The following TC2N variants were observed in gnomAD, a reference collection of about 807,000 sequenced individuals.
TC2N encodes the protein tandem C2 domains, nuclear.
A neutral mutation model predicts 61.9 loss-of-function variants in TC2N; 51 were observed. That is an observed-to-expected ratio of 0.82 (90% CI 0.66 to 1.04). TC2N has a LOEUF of 1.04. Among genes scored for constraint, TC2N ranks in the 50% least tolerant of loss-of-function variants. The pLI, the probability that TC2N is intolerant of heterozygous loss-of-function variation, is 0.00. For synonymous variants in TC2N, 204 were observed against 192.6 expected (o/e 1.06, Z -0.49); for missense variants, 556 against 566.7 (o/e 0.98, Z 0.19).
intron 1 of TC2N, among the ~76,000 whole-genome samples, chr14:91,834,504 T>TCGC (rs1887921071): frequency 6.6e-6 from 1 of 152,186 alleles, no homozygotes; most frequent in Non-Finnish European, 1.5e-5. Flanking sequence ...AATCAATGGA[T>TCGC]CGCCTCTCCT....
At chr14:91,840,201 A>G (rs1333746151) in intron 1 of TC2N, among the ~76,000 whole-genome samples, 1 of 152,174 alleles carries the variant, frequency 6.6e-6, no homozygotes, top group African/African-American at 2.4e-5. Context: ...CTTTGATTGG[A>G]TGGTGATGTG....
intron 3 of TC2N, among the ~76,000 whole-genome samples, chr14:91,806,204 T>C (rs778699969): frequency 8.5e-5 from 13 of 152,160 alleles, no homozygotes; most frequent in Non-Finnish European, 1.8e-4. Flanking sequence ...AACCTCTTTT[T>C]CTTTATAAAT....
At chr14:91,863,128 C>G (rs1327641805) in intron 1 of TC2N, among the ~76,000 whole-genome samples, 1 of 152,192 alleles carries the variant, frequency 6.6e-6, no homozygotes, top group East Asian at 1.9e-4. Context: ...GGGCGGAAAC[C>G]TCCATGAGAT....
At position 91,787,632 on chromosome 14, in the gene TC2N, A is replaced by G. The variant is rs759550583; in HGVS notation, c.1048-5T>C. 1.3e-6 allele frequency: 2 copies of G among 1,551,850 alleles called. No homozygotes were observed. Among genetic ancestry groups the G allele is most frequent in the South Asian group, 1.2e-5 (1 of 86,094 alleles). On this transcript the variant is annotated splice_region_variant and splice_polypyrimidine_tract_variant and intron_variant, in intron 9 of 11. Transcript: ENST00000435962. ...TTCAAGTTCTGCATGGCAAACCTGC[A>G]TATCAAAAAAGTGTCATTTGGTAGT...
At chr14:91,806,127 G>A (rs1023201936) in intron 3 of TC2N, among the ~76,000 whole-genome samples, 11 of 152,220 alleles carry the variant, frequency 7.2e-5, no homozygotes, top group African/African-American at 2.4e-4. Flanking sequence ...TACCATGTAA[G>A]ATGTGTCTTT....
At position 91,779,875 on chromosome 14, in the gene TC2N, G is replaced by C. The variant is rs1423546000; in HGVS notation, c.*3225C>G. The C allele has an allele frequency of 1.3e-5, 2 of 151,936 alleles. No individual in the cohort carries two copies. The highest frequency in any genetic ancestry group is 2.4e-5 in the African/African-American group (1 of 41,350). 9.4% of individuals were successfully genotyped at this position (151,936 alleles called of 1,614,324 possible). ...CACTAGGAGATTACTAAAACTGTAG[G>C]CCACATTCATCTTCCTACAATTCTT... On this transcript the variant is annotated 3_prime_UTR_variant, in exon 12 of 12. Coordinates refer to ENST00000435962, the MANE Select transcript of TC2N (RefSeq NM_001128596.3).
chr14:91,787,713 G>A (rs893834255), intron 9 of TC2N, 86 bp from the exon 10 acceptor site: 2 of 722,684 alleles, frequency 2.8e-6, no homozygotes, highest in Admixed American at 2.9e-5. Context: ...GCTAAGGTTA[G>A]AAATTTTGAA....
At chr14:91,864,776 T>A (rs1246759731) in intron 1 of TC2N, among the ~76,000 whole-genome samples, 7 of 116,164 alleles carry the variant, frequency 6.0e-5, no homozygotes, top group Non-Finnish European at 8.4e-5. Flanking sequence ...CCTGCCTTCA[T>A]CTTTTTTTTT....
rs74926142 is a variant in TC2N, at chr14:91,834,080, T to G, written c.-56-20255A>C. On this transcript the variant is annotated intron_variant, in intron 1 of 11. Transcript: ENST00000435962. Reference sequence around the variant, plus strand: ...ATTCTGCTTTAGTCCCAACACCTGATTTCTACATAAGATTTTTAGAAGAAC... The same window carrying G: ...ATTCTGCTTTAGTCCCAACACCTGAGTTCTACATAAGATTTTTAGAAGAAC... 1.7e-4 allele frequency among the ~76,000 whole-genome samples: 26 copies of G among 152,320 alleles called. No individual in the cohort carries two copies. In the East Asian group the frequency reaches 5.0e-3, roughly 29 times the overall value.
At chr14:91,796,160 G>T (rs1321556914) in intron 8 of TC2N, among the ~76,000 whole-genome samples, 1 of 151,924 alleles carries the variant, frequency 6.6e-6, no homozygotes, top group Admixed American at 6.6e-5. Context: ...TCATCTATGA[G>T]TGTCAAGGTT....
chr14:91,837,264 G>A lies in TC2N; in HGVS notation c.-56-23439C>T, dbSNP rs1888060955. On this transcript the variant is annotated intron_variant, in intron 1 of 11. Transcript: ENST00000435962. The surrounding 1 kb of genome is among the most constrained non-coding windows in gnomAD (Gnocchi z 4.2). ...TGACAGAGGTTCTGTCGCCCAGGCT[G>A]GAGTGTAGCGGTGCGCCCGTGGCTC... Among the ~76,000 whole-genome samples, 1 of 152,232 alleles carries A rather than the reference G, an allele frequency of 6.6e-6. No homozygotes were observed. The highest frequency in any genetic ancestry group is 2.1e-4 in the South Asian group (1 of 4,832).
intron 1 of TC2N, among the ~76,000 whole-genome samples, chr14:91,851,018 C>A (rs1021498742): frequency 6.6e-6 from 1 of 152,170 alleles, no homozygotes; most frequent in African/African-American, 2.4e-5. Flanking sequence ...TTCAAGAAAA[C>A]AAGCTCAGGG....
chr14:91,843,334 ACC>A (rs1888200810), intron 1 of TC2N, among the ~76,000 whole-genome samples: 1 of 152,012 alleles, frequency 6.6e-6, no homozygotes, highest in Non-Finnish European at 1.5e-5. Context: ...CCCCATCATG[ACC>A]CCAGAGTTCC....
chr14:91,812,362 T>G lies in TC2N; in HGVS notation c.251A>C (p.Tyr84Ser). 6.2e-7 allele frequency: 1 copy of G among 1,612,672 alleles called. No homozygotes were observed. The highest frequency in any genetic ancestry group is 8.5e-7 in the Non-Finnish European group (1 of 1,179,078). The part of the protein sequence containing the change: ...PFVVPKFKLS[Y>S]IQPRTQETPS... ...AGTTTCTTGTGTCCTGGGTTGAATG[T>G]AAGATAACTTAAACTTGGGCACCAC... The change falls in exon 3 of 12, where the codon TAC (tyrosine) becomes TCC (serine). Residue 84 changes from tyrosine (Y) to serine (S), a missense_variant. Physicochemically the swap from Tyr to Ser is moderately radical, Grantham distance 144. Coordinates refer to ENST00000435962, the MANE Select transcript of TC2N (RefSeq NM_001128596.3).
At chr14:91,835,981 G>GC (rs1015864648) in intron 1 of TC2N, among the ~76,000 whole-genome samples, 20 of 152,140 alleles carry the variant, frequency 1.3e-4, no homozygotes, top group African/African-American at 4.8e-4. Flanking sequence ...CGCCCACCTG[G>GC]CCAGCGGGGA....
Position 91,797,839 on chromosome 14 carries a change from T to C in TC2N, c.801A>G (p.Ile267Met). ...GDTPTVSIKG[I>M]LTLPKPVHFK... ...AATGCACTGGTTTGGGCAATGTAAG[T>C]ATTCCTTTTATAGAAACAGTAGGAG... Residue 267 changes from isoleucine (I) to methionine (M), a missense_variant, in exon 8 of 12, where the codon ATA (isoleucine) becomes ATG (methionine). Coordinates refer to ENST00000435962, the MANE Select transcript of TC2N (RefSeq NM_001128596.3). The C allele has an allele frequency of 6.2e-7, 1 of 1,611,480 alleles. No homozygotes were observed. The highest frequency in any genetic ancestry group is 8.5e-7 in the Non-Finnish European group (1 of 1,178,542).
At chr14:91,802,742 AT>A (rs971216989) in intron 3 of TC2N, among the ~76,000 whole-genome samples, 2 of 147,096 alleles carry the variant, frequency 1.4e-5, no homozygotes, top group African/African-American at 5.4e-5. Context: ...AAATTACAAG[AT>A]TGGGGGGGGA....
chr14:91,848,291 C>T (rs1182512341), intron 1 of TC2N, among the ~76,000 whole-genome samples: 1 of 152,104 alleles, frequency 6.6e-6, no homozygotes, highest in Non-Finnish European at 1.5e-5. Flanking sequence ...ATGAGAAAAC[C>T]CTCAGGTGGT....
intron 1 of TC2N, among the ~76,000 whole-genome samples, chr14:91,817,944 G>C (rs1200240309): frequency 6.6e-6 from 1 of 152,120 alleles, no homozygotes; most frequent in Non-Finnish European, 1.5e-5. Flanking sequence ...AACAGAGACA[G>C]ATTTATCCTA....
Sources: gnomAD v4.1 joint callset for allele counts (sites outside exome capture counted in the v4.1 genomes callset) on GRCh38, gnomAD v4.1.1 for gene constraint, Gnocchi (gnomAD v3.1) non-coding constraint, MANE v1.5 for transcripts, NCBI Gene and HGNC (gene_info 2026-07-23, HGNC 2026-07-21) for gene names.